Variants in BRWD1 observed in about 807,000 individuals in gnomAD.
BRWD1 encodes the protein bromodomain and WD repeat-containing protein 1.
Under a neutral mutation model 251.2 loss-of-function variants are expected in BRWD1, and 82 were observed. That is an observed-to-expected ratio of 0.33 (90% CI 0.27 to 0.39). The LOEUF (loss-of-function observed/expected upper bound fraction) is 0.39, where lower values mean the gene tolerates loss of function less well. Ranked by LOEUF, BRWD1 falls within the 10% of genes least tolerant of loss-of-function variation. BRWD1 has a pLI of 1.00. For synonymous variants in BRWD1, 918 were observed against 902.8 expected (o/e 1.02, Z -0.30); for missense variants, 2,233 against 2,711.6 (o/e 0.82, Z 3.92).
At chr21:39,272,197 G>A (rs374503521) in intron 13 of BRWD1, among the ~76,000 whole-genome samples, 7 of 151,674 alleles carry the variant, frequency 4.6e-5, no homozygotes, top group African/African-American at 1.5e-4. Context: ...ATCTTTGGGA[G>A]GGCGACGCGG....
chr21:39,196,238 T>C lies in BRWD1; in HGVS notation c.*21A>G. The C allele has an allele frequency of 1.3e-6, 2 of 1,532,160 alleles. No individual in the cohort carries two copies. Among genetic ancestry groups the C allele is most frequent in the Non-Finnish European group, 1.7e-6 (2 of 1,144,608 alleles). 94.9% of individuals were successfully genotyped at this position (1,532,160 alleles called of 1,614,324 possible). Reference sequence around the variant, plus strand: ...AAATGCCAGTCCATTTCCTCTTAAATGAACTGGCTTTCCCTCAAGGTCATA... The same window carrying C: ...AAATGCCAGTCCATTTCCTCTTAAACGAACTGGCTTTCCCTCAAGGTCATA... On this transcript the variant is annotated 3_prime_UTR_variant, in exon 41 of 41. Coordinates refer to ENST00000342449, the MANE Select transcript of BRWD1 (RefSeq NM_033656.4).
intron 29 of BRWD1, among the ~76,000 whole-genome samples, chr21:39,220,353 T>C (rs930281836): frequency 1.3e-5 from 2 of 152,196 alleles, no homozygotes; most frequent in African/African-American, 4.8e-5. Flanking sequence ...AGCTGCATGA[T>C]ACATAGAGCA....
chr21:39,255,453 C>A (rs1457414792), intron 19 of BRWD1, among the ~76,000 whole-genome samples, 192 bp downstream of exon 19: 1 of 151,920 alleles, frequency 6.6e-6, no homozygotes, highest in African/African-American at 2.4e-5. Flanking sequence ...CTCTGAAAAC[C>A]TTTAATGTAG....
intron 8 of BRWD1, among the ~76,000 whole-genome samples, chr21:39,284,120 CCT>C (rs1360662887): frequency 3.3e-5 from 5 of 152,258 alleles, no homozygotes; most frequent in Non-Finnish European, 7.4e-5. Context: ...ATATGCTGAT[CCT>C]CTCTTTTGCT....
intron 8 of BRWD1, among the ~76,000 whole-genome samples, chr21:39,283,815 G>A (rs751601023): frequency 9.2e-5 from 14 of 152,156 alleles, no homozygotes; most frequent in South Asian, 2.1e-4. Context: ...AAGGCCAGTC[G>A]CCAATGACTA....
In BRWD1 at chr21:39,258,232, G is replaced by A. The variant is rs79419160; in HGVS notation, c.2071+255C>T. Among the ~76,000 whole-genome samples, 626 of 152,168 alleles carry A rather than the reference G, an allele frequency of 4.1e-3. 14 individuals carry two copies. The East Asian group carries it at 0.089, about 22-fold the overall frequency. The stretch of plus-strand genomic sequence containing the variant: ...TATTTTAAAAACCAATCTGTTATTC[G>A]CTCCTATTTAATACAATTTTGTAAA... On this transcript the variant is annotated intron_variant, in intron 18 of 40. Coordinates refer to ENST00000342449, the MANE Select transcript of BRWD1 (RefSeq NM_033656.4).
chr21:39,209,849 A>T (rs1174799647), intron 36 of BRWD1, 146 bp downstream of exon 36: 5 of 777,142 alleles, frequency 6.4e-6, no homozygotes, highest in Admixed American at 3.4e-5. Context: ...TCTTTTCTTT[A>T]TAATAGTCTT....
chr21:39,255,604 TCA>T (rs1307099512), intron 19 of BRWD1, 39 bp downstream of exon 19: 2 of 1,500,724 alleles, frequency 1.3e-6, no homozygotes, highest in Admixed American at 3.4e-5. Flanking sequence ...AAATATATTT[TCA>T]CAGATAGAAA....
Position 39,297,675 on chromosome 21 carries a change from G to A in BRWD1, c.349+757C>T, listed in dbSNP as rs1403456451. The stretch of plus-strand genomic sequence containing the variant: ...GTCTGGCACGGAACTAAGAGGGAGG[G>A]GTGTTCTTTCTCAGTTAAGCTTTAT... On this transcript the variant is annotated intron_variant, in intron 5 of 40. Transcript: ENST00000342449. 10 of 248,266 alleles carry A rather than the reference G, an allele frequency of 4.0e-5. No individual in the cohort carries two copies. In the East Asian group the frequency reaches 1.8e-3, roughly 44 times the overall value. 15.4% of individuals were successfully genotyped at this position (248,266 alleles called of 1,614,324 possible).
intron 13 of BRWD1, among the ~76,000 whole-genome samples, chr21:39,273,465 T>C (rs901691550): frequency 2.0e-5 from 3 of 152,212 alleles, no homozygotes; most frequent in Non-Finnish European, 4.4e-5. Context: ...CAGCAGAGAA[T>C]ATAAGTCAAT....
chr21:39,314,063 C>G (rs1417325660), upstream of BRWD1: 4 of 455,868 alleles, frequency 8.8e-6, no homozygotes, highest in African/African-American at 6.0e-5. Context: ...GTCGCCCGCT[C>G]CGGGTCGCTC....
chr21:39,243,419 A>C (rs1352747786), intron 21 of BRWD1, among the ~76,000 whole-genome samples: 1 of 152,162 alleles, frequency 6.6e-6, no homozygotes, highest in African/African-American at 2.4e-5. Context: ...CAGATCTGAT[A>C]ATGACATTAT....
At position 39,187,316 on chromosome 21, in the gene BRWD1, T is replaced by A; in HGVS notation, c.*8943A>T. 6.2e-7 allele frequency: 1 copy of A among 1,614,014 alleles called. No homozygotes were observed. Among genetic ancestry groups the A allele is most frequent in the Non-Finnish European group, 8.5e-7 (1 of 1,179,934 alleles). On this transcript the variant is annotated 3_prime_UTR_variant, in exon 41 of 41. Transcript: ENST00000342449. ...CTGCGGGGAACTTTCTCAGGTACCA[T>A]TTTTGCTTTCAGAGTTTCACTAGGC...
chr21:39,225,642 C>T (rs1246471730), intron 27 of BRWD1, among the ~76,000 whole-genome samples: 1 of 152,062 alleles, frequency 6.6e-6, no homozygotes. Flanking sequence ...ATTAAAGCTA[C>T]AATTTATCCC....
chr21:39,201,998 T>C (rs1032418201), intron 38 of BRWD1, among the ~76,000 whole-genome samples: 8 of 152,246 alleles, frequency 5.3e-5, no homozygotes, highest in Non-Finnish European at 1.2e-4. Context: ...ATTTACTACG[T>C]CATCAGCTTT....
intron 21 of BRWD1, among the ~76,000 whole-genome samples, chr21:39,244,941 T>TATATATATATATATATATATATAG (rs2034131932): frequency 7.6e-6 from 1 of 131,896 alleles, no homozygotes; most frequent in African/African-American, 2.9e-5. Context: ...TATATATATA[T>TATATATATATATATATATATATAG]ATATGCAGAA....
Position 39,236,602 on chromosome 21 carries a change from T to C in BRWD1, c.2759A>G (p.Lys920Arg). The C allele has an allele frequency of 6.2e-7, 1 of 1,600,954 alleles. No individual in the cohort carries two copies. Residue 920 changes from lysine to arginine, a missense_variant, in exon 23 of 41, where the codon AAG becomes AGG. Lys to Arg is a conservative substitution (Grantham distance 26, BLOSUM62 2). Coordinates refer to ENST00000342449, the MANE Select transcript of BRWD1 (RefSeq NM_033656.4). ...AAGATACGTTTTTCTTACCTCCTTC[T>C]TAGGCTTATTTTCTTTCTTTCTCTT... Reference protein sequence around the residue: ...RRKRKKENKPKKENLRRMTPA... With the variant: ...RRKRKKENKPRKENLRRMTPA...
chr21:39,229,380 G>C lies in BRWD1; in HGVS notation c.3057C>G (p.Leu1019=), dbSNP rs749716246. The C allele has an allele frequency of 2.5e-6, 4 of 1,609,452 alleles. No individual in the cohort carries two copies. Among genetic ancestry groups the C allele is most frequent in the South Asian group, 1.1e-5 (1 of 90,916 alleles). ...CTATAAATGCTAGTTTTAGGCAACA[G>C]AGTGTAGGGGGCCCAACTTCATATC... ...GIRYEVGPPT[L]CCLKLAFIDP... is the part of the protein sequence containing the mutation. Residue 1019 remains leucine, a synonymous_variant, in exon 26 of 41, where the codon CTC becomes CTG. Coordinates refer to ENST00000342449, the MANE Select transcript of BRWD1 (RefSeq NM_033656.4).
chr21:39,306,125 A>G (rs1355204356), intron 4 of BRWD1, among the ~76,000 whole-genome samples: 1 of 147,684 alleles, frequency 6.8e-6, no homozygotes. Flanking sequence ...GCTGGAGTGC[A>G]GTGGTGCAAT....
Sources: gnomAD v4.1 joint callset for allele counts (sites outside exome capture counted in the v4.1 genomes callset) on GRCh38, gnomAD v4.1.1 for gene constraint, MANE v1.5 for transcripts, NCBI Gene and HGNC (gene_info 2026-07-23, HGNC 2026-07-21) for gene names.